DCX: variants seen among roughly 807,000 people sequenced by gnomAD.
DCX encodes neuronal migration protein doublecortin.
A neutral mutation model predicts 20.9 loss-of-function variants in DCX; 4 were observed. That is an observed-to-expected ratio of 0.19 (90% CI 0.09 to 0.44). DCX has a LOEUF of 0.44. Ranked by LOEUF, DCX falls within the 20% of genes least tolerant of loss-of-function variation. The pLI, the probability that DCX is intolerant of heterozygous loss-of-function variation, is 0.99. For missense variants in DCX, 133 were observed against 296.9 expected (o/e 0.45, Z 4.06); for synonymous variants, 103 against 111.4 (o/e 0.92, Z 0.47).
intron 3 of DCX, among the ~76,000 whole-genome samples, chrX:111,336,368 G>A (rs1300892105): frequency 8.9e-6 from 1 of 112,454 alleles, no homozygotes; most frequent in African/African-American, 3.2e-5. Context: ...TCACAATGGT[G>A]TGGCTGGCTT....
chrX:111,362,534 G>C (rs1234986439), intron 3 of DCX, among the ~76,000 whole-genome samples: 1 of 111,573 alleles, frequency 9.0e-6, no homozygotes, highest in Non-Finnish European at 1.9e-5. Flanking sequence ...CTGCTAATGA[G>C]CATCTGTCTT....
intron 3 of DCX, among the ~76,000 whole-genome samples, chrX:111,374,393 TA>T (rs761960803): frequency 1.6e-4 from 18 of 112,178 alleles, no homozygotes; most frequent in Non-Finnish European, 3.4e-4. Flanking sequence ...GGATCTTTTT[TA>T]TATTGCTTAT....
intron 1 of DCX, chrX:111,410,635 C>T: frequency 3.7e-6 from 3 of 807,992 alleles, no homozygotes; most frequent in African/African-American, 2.1e-5. Context: ...AGGGGCTGGG[C>T]GGGGGTGCTG....
intron 3 of DCX, among the ~76,000 whole-genome samples, chrX:111,374,033 T>C (rs1925330820): frequency 8.9e-6 from 1 of 112,158 alleles, no homozygotes; most frequent in Admixed American, 9.5e-5. Context: ...AGCTATGGGC[T>C]CCCTGAATCT....
At chrX:111,355,423 C>G (rs1923654310) in intron 3 of DCX, among the ~76,000 whole-genome samples, 1 of 111,155 alleles carries the variant, frequency 9.0e-6, no homozygotes, top group Non-Finnish European at 1.9e-5. Context: ...CAAACATATA[C>G]AGCCTGAAAT....
chrX:111,410,856 A>G (rs1231517431), intron 1 of DCX: 1 of 1,211,318 alleles, frequency 8.3e-7, no homozygotes. Context: ...AAATGAATCC[A>G]TAGCCTGACA....
At chrX:111,306,174 G>A (rs1046479290) in intron 6 of DCX, among the ~76,000 whole-genome samples, 3 of 111,218 alleles carry the variant, frequency 2.7e-5, no homozygotes, top group African/African-American at 9.8e-5. Flanking sequence ...CCAACTCAAT[G>A]CTGTCTAAAA....
intron 6 of DCX, among the ~76,000 whole-genome samples, chrX:111,309,152 T>G (rs1036120178): frequency 1.6e-4 from 18 of 112,507 alleles, no homozygotes; most frequent in African/African-American, 5.8e-4. Flanking sequence ...ATGCGGACTT[T>G]GGCTAACCCC....
intron 5 of DCX, among the ~76,000 whole-genome samples, chrX:111,314,472 A>T (rs1456246668): frequency 8.9e-6 from 1 of 111,993 alleles, no homozygotes; most frequent in Non-Finnish European, 1.9e-5. Flanking sequence ...CACCTGAGAA[A>T]TCTTGAAAGA....
intron 2 of DCX, among the ~76,000 whole-genome samples, chrX:111,406,721 A>G (rs1365548762): frequency 1.2e-4 from 13 of 112,517 alleles, no homozygotes; most frequent in Non-Finnish European, 2.3e-4. Context: ...ATTTATATGA[A>G]GTGCGCAGAA....
chrX:111,388,361 T>G lies in DCX; in HGVS notation c.705+12629A>C, dbSNP rs775740897. On this transcript the variant is annotated intron_variant, in intron 3 of 6. Coordinates refer to ENST00000636035, the MANE Select transcript of DCX (RefSeq NM_001195553.2). ...CCTTTTTGATTTAGTTTATAAGCCCTATCAAAATGCAGTGGTGCCTGTTTT... is the reference window on the plus strand; with the variant it reads ...CCTTTTTGATTTAGTTTATAAGCCCGATCAAAATGCAGTGGTGCCTGTTTT... 2.7e-5 allele frequency among the ~76,000 whole-genome samples: 3 copies of G among 112,234 alleles called. No homozygotes were observed. In the East Asian group the frequency reaches 8.4e-4, roughly 31 times the overall value.
At chrX:111,316,094 A>AATAAACAAAT (rs1556369845) in intron 5 of DCX, among the ~76,000 whole-genome samples, 1 of 94,447 alleles carries the variant, frequency 1.1e-5, no homozygotes, top group African/African-American at 5.2e-5. Flanking sequence ...AATAAAAAAA[A>AATAAACAAAT]AAAAAAAAAA....
intron 3 of DCX, among the ~76,000 whole-genome samples, chrX:111,396,815 T>C (rs749158584): frequency 9.0e-6 from 1 of 111,437 alleles, no homozygotes; most frequent in African/African-American, 3.3e-5. Context: ...CTCCTAGAAG[T>C]CCATTTTAAT....
At chrX:111,409,307 G>T (rs1603424259) in intron 2 of DCX, among the ~76,000 whole-genome samples, 1 of 111,705 alleles carries the variant, frequency 9.0e-6, no homozygotes. Flanking sequence ...GGGTACACAG[G>T]TTGTTGGGAT....
intron 2 of DCX, among the ~76,000 whole-genome samples, chrX:111,406,749 A>G (rs1928240732): frequency 8.9e-6 from 1 of 112,437 alleles, no homozygotes; most frequent in Non-Finnish European, 1.9e-5. Flanking sequence ...ATATGTGGAG[A>G]CAGAAAGTAG....
At chrX:111,332,927 C>T (rs1008096108) in intron 4 of DCX, 124 bp downstream of exon 4, 2 of 550,100 alleles carry the variant, frequency 3.6e-6, no homozygotes, top group Non-Finnish European at 6.3e-6. Context: ...AGGAGAAAGA[C>T]CAACATTATA....
intron 3 of DCX, among the ~76,000 whole-genome samples, chrX:111,338,808 G>A (rs1422132551): frequency 1.9e-5 from 2 of 104,647 alleles, no homozygotes; most frequent in African/African-American, 7.0e-5. Context: ...TACTGTTTTT[G>A]AAACACTTCC....
chrX:111,368,228 A>G (rs1427545519), intron 3 of DCX, among the ~76,000 whole-genome samples: 1 of 111,621 alleles, frequency 9.0e-6, no homozygotes, highest in African/African-American at 3.3e-5. Context: ...CACATGTGGA[A>G]AGACAGGGGT....
At position 111,332,981 on chromosome X, in the gene DCX, A is replaced by G. The variant is rs764375849; in HGVS notation, c.808+70T>C. The G allele has an allele frequency of 4.9e-5, 40 of 813,090 alleles. No homozygotes were observed. The African/African-American group carries it at 7.0e-4, about 14-fold the overall frequency. 67.0% of individuals were successfully genotyped at this position (813,090 alleles called of 1,213,427 possible). A position where few individuals can be genotyped will look rare whatever the true frequency, so the allele number is the denominator to read the frequency against. On this transcript the variant is annotated intron_variant, in intron 4 of 6. Coordinates refer to ENST00000636035, the MANE Select transcript of DCX (RefSeq NM_001195553.2). The stretch of plus-strand genomic sequence containing the variant: ...CATAGATGTTTTCCACACCATACAA[A>G]CCCATGGAAATCCTAAAGGATAGAA...
Sources: gnomAD v4.1 joint callset for allele counts (sites outside exome capture counted in the v4.1 genomes callset) on GRCh38, gnomAD v4.1.1 for gene constraint, MANE v1.5 for transcripts, NCBI Gene and HGNC (gene_info 2026-07-23, HGNC 2026-07-21) for gene names.